CPED1: variants seen among roughly 807,000 people sequenced by gnomAD.
CPED1 encodes the protein cadherin like and PC-esterase domain containing 1.
CPED1 carries 114 observed loss-of-function variants against 128.2 expected under a neutral mutation model. The observed-to-expected ratio is 0.89, with a 90% CI of 0.76 to 1.04. CPED1 has a LOEUF of 1.04. CPED1 is among the 50% of genes least tolerant of loss of function. The pLI is 0.00. For missense variants in CPED1, 1,211 were observed against 1,207.1 expected (o/e 1.00, Z -0.05); for synonymous variants, 462 against 426.7 (o/e 1.08, Z -1.02).
At chr7:121,278,683 T>G (rs1184423840) in intron 22 of CPED1, among the ~76,000 whole-genome samples, 1 of 152,122 alleles carries the variant, frequency 6.6e-6, no homozygotes, top group Admixed American at 6.6e-5. Context: ...GAGAATAAAT[T>G]CACTGGTCAT....
At chr7:121,136,211 AT>A in intron 14 of CPED1, 121 bp downstream of exon 14, 2 of 953,944 alleles carry the variant, frequency 2.1e-6, no homozygotes, top group Admixed American at 3.1e-5. Flanking sequence ...GTTAAAGTAA[AT>A]TTTAGAAGTT....
At position 121,170,775 on chromosome 7, in the gene CPED1, G is replaced by C. The variant is rs184228106; in HGVS notation, c.2055+28634G>C. On this transcript the variant is annotated intron_variant, in intron 16 of 22. Transcript: ENST00000310396. ...TTATTAAAATTCAAAAGGAGGCCAG[G>C]CACGGTGGCTCACACCTGTAATCCC... Among the ~76,000 whole-genome samples, 5 of 152,290 alleles carry C rather than the reference G, an allele frequency of 3.3e-5. No homozygotes were observed. In the East Asian group the frequency reaches 5.8e-4, roughly 18 times the overall value.
chr7:121,190,006 C>T (rs1797099348), intron 16 of CPED1, among the ~76,000 whole-genome samples: 1 of 151,348 alleles, frequency 6.6e-6, no homozygotes. Flanking sequence ...AAAATCTCTG[C>T]TTTTGTGAAA....
At chr7:121,014,560 A>AG (rs1792251363) in intron 2 of CPED1, among the ~76,000 whole-genome samples, 1 of 146,418 alleles carries the variant, frequency 6.8e-6, no homozygotes, top group Non-Finnish European at 1.5e-5. Flanking sequence ...AAAAAAAAAA[A>AG]ATAATAATAA....
At chr7:121,069,670 G>C (rs953743969) in intron 5 of CPED1, among the ~76,000 whole-genome samples, 2 of 151,958 alleles carry the variant, frequency 1.3e-5, no homozygotes, top group African/African-American at 2.4e-5. Context: ...GCCATTTAAT[G>C]CTTTGCCTTT....
chr7:120,991,305 G>A (rs1417092595), intron 2 of CPED1, among the ~76,000 whole-genome samples: 2 of 152,138 alleles, frequency 1.3e-5, no homozygotes, highest in African/African-American at 4.8e-5. Flanking sequence ...AACTGAAATT[G>A]TACATCTATT....
rs936980095 is a variant in CPED1 at position 121,224,428 on chromosome 7, A to G, written c.2056-12286A>G. Among the ~76,000 whole-genome samples, 78 of 152,256 alleles carry G rather than the reference A, an allele frequency of 5.1e-4. 1 individual carries two copies. Among genetic ancestry groups the G allele is most frequent in the African/African-American group, 1.8e-3 (73 of 41,564 alleles). On this transcript the variant is annotated intron_variant, in intron 16 of 22. Coordinates refer to ENST00000310396, the MANE Select transcript of CPED1 (RefSeq NM_024913.5). ...TGCTATGTGGTGATGAGAAGAATGT[A>G]TATTCTGTTGATTTGGGGTGGAGAG...
In CPED1 at chr7:121,278,630, A is replaced by G. The variant is rs564734032; in HGVS notation, c.2868+7200A>G. 7.6e-4 allele frequency among the ~76,000 whole-genome samples: 115 copies of G among 152,266 alleles called. 1 individual carries two copies. The highest frequency in any genetic ancestry group is 2.6e-3 in the African/African-American group (107 of 41,564). On this transcript the variant is annotated intron_variant, in intron 22 of 22. Coordinates refer to ENST00000310396, the MANE Select transcript of CPED1 (RefSeq NM_024913.5). ...ATTCAATCATCTGTAAGTGAATTCTATCCTCTGCTACTAGCTGATTAGATT... is the reference window on the plus strand; with the variant it reads ...ATTCAATCATCTGTAAGTGAATTCTGTCCTCTGCTACTAGCTGATTAGATT...
At position 120,989,645 on chromosome 7, in the gene CPED1, T is replaced by G; in HGVS notation, c.24T>G (p.Pro8=). 6.2e-7 allele frequency: 1 copy of G among 1,613,994 alleles called. No homozygotes were observed. Among genetic ancestry groups the G allele is most frequent in the Non-Finnish European group, 8.5e-7 (1 of 1,180,002 alleles). Reference sequence around the variant, plus strand: ...TCATGGTCTGTCGCCCAGTGTTCCCTTGTCGTCGGCGATTTTGCCCCCGAC... The same window carrying G: ...TCATGGTCTGTCGCCCAGTGTTCCCGTGTCGTCGGCGATTTTGCCCCCGAC... MVCRPVF[P]CRRRFCPRPF... The change falls in exon 2 of 23, where the codon CCT becomes CCG. Residue 8 remains proline (P), a synonymous_variant. Transcript: ENST00000310396.
chr7:121,296,216 CA>C lies in CPED1; in HGVS notation c.*565del, dbSNP rs1792822163. ...AATTTTATTACTGAAAGGAAAAGAA[CA>C]GGAATGTTCCACAAGGGAATTTGAA... On this transcript the variant is annotated 3_prime_UTR_variant, in exon 23 of 23. Transcript: ENST00000310396. 1 of 152,544 alleles carries C rather than the reference CA, an allele frequency of 6.6e-6. No individual in the cohort carries two copies. Among genetic ancestry groups the C allele is most frequent in the Admixed American group, 6.5e-5 (1 of 15,294 alleles). The allele number at this position is 152,544 out of a possible 1,614,324, so 9.4% of individuals were successfully genotyped here. A position where few individuals can be genotyped will look rare whatever the true frequency, so the allele number is the denominator to read the frequency against.
intron 16 of CPED1, among the ~76,000 whole-genome samples, chr7:121,152,253 C>G (rs1796176722): frequency 6.6e-6 from 1 of 152,054 alleles, no homozygotes; most frequent in African/African-American, 2.4e-5. Context: ...CAGCTCCCCA[C>G]CCCTCCACAT....
intron 5 of CPED1, among the ~76,000 whole-genome samples, chr7:121,087,845 A>G (rs1241124615): frequency 1.3e-5 from 2 of 151,784 alleles, no homozygotes; most frequent in Admixed American, 1.3e-4. Flanking sequence ...AATTTTTAGT[A>G]GAGACAGGGT....
At chr7:121,059,077 G>A (rs1793583507) in intron 4 of CPED1, among the ~76,000 whole-genome samples, 1 of 152,182 alleles carries the variant, frequency 6.6e-6, no homozygotes, top group South Asian at 2.1e-4. Context: ...AGTGAAGCGA[G>A]GTCCATTATT....
At chr7:121,002,784 A>G (rs549215267) in intron 2 of CPED1, among the ~76,000 whole-genome samples, 11 of 152,338 alleles carry the variant, frequency 7.2e-5, no homozygotes, top group African/African-American at 2.6e-4. Flanking sequence ...TAAACTTCAC[A>G]AGCTAGAATT....
rs143388529 is a variant in CPED1 at position 121,277,238 on chromosome 7, T to C, written c.2868+5808T>C. Among the ~76,000 whole-genome samples, 243 of 152,218 alleles carry C rather than the reference T, an allele frequency of 1.6e-3. 1 individual carries two copies. Among genetic ancestry groups the C allele is most frequent in the African/African-American group, 5.7e-3 (236 of 41,564 alleles). ...AGAAACTGGCAATTGAGACAAAGAA[T>C]GACTGAAAAGTCACCTTATTAGGAA... On this transcript the variant is annotated intron_variant, in intron 22 of 22. Coordinates refer to ENST00000310396, the MANE Select transcript of CPED1 (RefSeq NM_024913.5).
chr7:121,043,970 G>A (rs1401833779), intron 3 of CPED1, among the ~76,000 whole-genome samples: 1 of 152,150 alleles, frequency 6.6e-6, no homozygotes, highest in Non-Finnish European at 1.5e-5. Context: ...TTTCAGCTGT[G>A]AAATTTGGCT....
rs571071522 is a variant in CPED1 at position 121,125,514 on chromosome 7, T to C, written c.1062-306T>C. On this transcript the variant is annotated intron_variant, in intron 8 of 22. Transcript: ENST00000310396. ...TGTGATGTTCCCCTCCCTGTGTCCATGTGTTCTCATTGTTCAATTACCATT... is the reference window on the plus strand; with the variant it reads ...TGTGATGTTCCCCTCCCTGTGTCCACGTGTTCTCATTGTTCAATTACCATT... Among the ~76,000 whole-genome samples the C allele has an allele frequency of 3.9e-5, 6 of 152,260 alleles. 1 individual carries two copies. The highest frequency in any genetic ancestry group is 3.9e-4 in the Admixed American group (6 of 15,278).
Position 121,054,266 on chromosome 7 carries a change from A to G in CPED1, c.540+7273A>G, listed in dbSNP as rs570803694. Among the ~76,000 whole-genome samples the G allele has an allele frequency of 2.6e-5, 4 of 152,234 alleles. No individual in the cohort carries two copies. The South Asian group carries it at 8.3e-4, about 32-fold the overall frequency. ...ACATATTAAAAAGCTGATTCTTACC[A>G]TACCCGTGTTTGCCATCCAACACCA... On this transcript the variant is annotated intron_variant, in intron 4 of 22. Transcript: ENST00000310396.
chr7:121,159,855 G>A (rs915140853), intron 16 of CPED1, among the ~76,000 whole-genome samples: 4 of 152,152 alleles, frequency 2.6e-5, no homozygotes, highest in Non-Finnish European at 5.9e-5. Flanking sequence ...CTTAATATTT[G>A]TAAAATTAAA....
Sources: allele counts gnomAD v4.1 joint callset (sites outside exome capture counted in the v4.1 genomes callset), GRCh38; gene constraint gnomAD v4.1.1; transcripts MANE v1.5; gene names NCBI Gene and HGNC (gene_info 2026-07-23, HGNC 2026-07-21).